The following CDC42BPB variants were observed in gnomAD, a reference collection of about 807,000 sequenced individuals.
The protein encoded by CDC42BPB is CDC42 binding protein kinase beta.
Under a neutral mutation model 214.9 loss-of-function variants are expected in CDC42BPB, and 37 were observed. That is an observed-to-expected ratio of 0.17 (90% confidence interval 0.13 to 0.23). The LOEUF (loss-of-function observed/expected upper bound fraction) is 0.23. Ranked by LOEUF, CDC42BPB falls within the 10% of genes least tolerant of loss-of-function variation. The pLI is 1.00. For missense variants in CDC42BPB, 1,694 were observed against 2,227.0 expected (o/e 0.76, Z 4.82); for synonymous variants, 931 against 884.0 (o/e 1.05, Z -0.94).
rs549118990 is a variant in CDC42BPB at position 102,974,425 on chromosome 14, G to A, written c.1508-276C>T. 191 of 920,226 alleles carry A rather than the reference G, an allele frequency of 2.1e-4. No individual in the cohort carries two copies. The Middle Eastern group carries it at 6.7e-3, about 32-fold the overall frequency. 57.0% of individuals were successfully genotyped at this position (920,226 alleles called of 1,614,324 possible). ...TGAGCACTGGGAGCCCTTGGGTGGC[G>A]CACACACTCGTCTGCTCAGTCCCTC... is the stretch of plus-strand genomic sequence containing the variant. On this transcript the variant is annotated intron_variant, in intron 11 of 36. Coordinates refer to ENST00000361246, the MANE Select transcript of CDC42BPB (RefSeq NM_006035.4).
intron 1 of CDC42BPB, among the ~76,000 whole-genome samples, chr14:103,027,434 C>T (rs1034845146): frequency 6.6e-6 from 1 of 152,224 alleles, no homozygotes; most frequent in Non-Finnish European, 1.5e-5. Flanking sequence ...ATATTCACAG[C>T]AGCATCATTC....
At chr14:102,939,791 G>C in intron 33 of CDC42BPB, 39 bp downstream of exon 33, 1 of 1,613,980 alleles carries the variant, frequency 6.2e-7, no homozygotes, top group Non-Finnish European at 8.5e-7. Flanking sequence ...CCCCTCCCTA[G>C]AGCGAGGCCC....
chr14:103,054,709 T>C (rs1177372443), intron 1 of CDC42BPB, among the ~76,000 whole-genome samples: 1 of 152,224 alleles, frequency 6.6e-6, no homozygotes, highest in African/African-American at 2.4e-5. Context: ...TTCTTCCCTA[T>C]AATTGAAAGT....
At chr14:103,035,569 G>A (rs542926462) in intron 1 of CDC42BPB, among the ~76,000 whole-genome samples, 11 of 152,142 alleles carry the variant, frequency 7.2e-5, no homozygotes, top group East Asian at 2.0e-4. Context: ...AGCCAGGTGC[G>A]GTGGCTCATG....
chr14:102,941,928 T>C (rs923072640), intron 30 of CDC42BPB, among the ~76,000 whole-genome samples: 3 of 152,310 alleles, frequency 2.0e-5, no homozygotes, highest in Middle Eastern at 6.8e-3. Flanking sequence ...CTGAAACTCA[T>C]CTGCATCTGC....
At position 102,974,027 on chromosome 14, in the gene CDC42BPB, C is replaced by A. The variant is rs751458409; in HGVS notation, c.1630G>T (p.Glu544Ter). The change falls in exon 12 of 37, where the codon GAG becomes TAG. Residue 544 changes from glutamate (E) to a stop codon, truncating the protein, a stop_gained. Transcript: ENST00000361246. LOFTEE classifies it high-confidence loss of function. Reference protein sequence around the residue: ...QHRVVRQEKEELHKQLVEASE... With the variant: ...QHRVVRQEKE ...ACTGAGCCACCTACCTTGTGCAGCTCCTCCTTCTCCTGCCGGACCACGCGG... is the reference window on the plus strand; with the variant it reads ...ACTGAGCCACCTACCTTGTGCAGCTACTCCTTCTCCTGCCGGACCACGCGG... 6.2e-7 allele frequency: 1 copy of A among 1,609,588 alleles called. No homozygotes were observed. The highest frequency in any genetic ancestry group is 8.5e-7 in the Non-Finnish European group (1 of 1,178,392).
chr14:102,941,565 C>G (rs926082741), intron 30 of CDC42BPB: 16 of 985,332 alleles, frequency 1.6e-5, no homozygotes, highest in African/African-American at 5.2e-5. Context: ...ACTCTCCACA[C>G]GGGCTTCTGG....
At chr14:102,996,020 C>T (rs909317417) in intron 5 of CDC42BPB, among the ~76,000 whole-genome samples, 3 of 152,174 alleles carry the variant, frequency 2.0e-5, no homozygotes, top group Admixed American at 6.5e-5. Flanking sequence ...TATGCCCGGA[C>T]GTCAAACGAC....
intron 30 of CDC42BPB, chr14:102,941,045 A>G (rs1891867997): frequency 5.5e-6 from 5 of 901,554 alleles, no homozygotes; most frequent in Non-Finnish European, 6.6e-6. Flanking sequence ...TTTGGAGTTT[A>G]AGGGGCTTTC....
chr14:103,056,683 G>GGTGGGA (rs1349951201), intron 1 of CDC42BPB, among the ~76,000 whole-genome samples: 2 of 151,674 alleles, frequency 1.3e-5, no homozygotes, highest in Non-Finnish European at 2.9e-5. Flanking sequence ...GGGGGGAGGG[G>GGTGGGA]GTGGGAGTGG....
At chr14:103,024,093 T>A (rs2139681456) in intron 1 of CDC42BPB, among the ~76,000 whole-genome samples, 1 of 152,236 alleles carries the variant, frequency 6.6e-6, no homozygotes, top group South Asian at 2.1e-4. Context: ...TAGTCCTAAA[T>A]ATATACAGAG....
At chr14:103,049,938 A>G (rs1010177496) in intron 1 of CDC42BPB, among the ~76,000 whole-genome samples, 4 of 152,084 alleles carry the variant, frequency 2.6e-5, no homozygotes, top group Admixed American at 2.6e-4. Flanking sequence ...GTCTTGAACT[A>G]CTGACCTTGT....
intron 36 of CDC42BPB, among the ~76,000 whole-genome samples, chr14:102,937,546 C>A (rs553401319): frequency 2.0e-5 from 3 of 152,236 alleles, no homozygotes; most frequent in African/African-American, 7.2e-5. Context: ...GCTAAGCCCT[C>A]AGCTCACTCC....
chr14:102,998,402 C>A (rs530638457), intron 5 of CDC42BPB, among the ~76,000 whole-genome samples: 2 of 152,334 alleles, frequency 1.3e-5, no homozygotes, highest in South Asian at 4.1e-4. Context: ...GGGGCCAGGG[C>A]TGGGCTTGGT....
At chr14:103,035,272 G>T (rs568220247) in intron 1 of CDC42BPB, among the ~76,000 whole-genome samples, 1 of 152,150 alleles carries the variant, frequency 6.6e-6, no homozygotes, top group African/African-American at 2.4e-5. Context: ...GGTCAGGCTG[G>T]TCTCAAACTC....
intron 1 of CDC42BPB, among the ~76,000 whole-genome samples, chr14:103,029,858 CAA>C (rs11299296): frequency 2.1e-3 from 130 of 62,334 alleles, no homozygotes; most frequent in Middle Eastern, 0.012. Context: ...ACTCCATCTC[CAA>C]AAAAAAAAAA....
chr14:102,970,606 G>A (rs1448291716), intron 13 of CDC42BPB, among the ~76,000 whole-genome samples: 3 of 152,084 alleles, frequency 2.0e-5, no homozygotes, highest in East Asian at 3.8e-4. Context: ...TTTCAAACAC[G>A]CACACGAAGA....
At chr14:102,954,801 C>G (rs887865113) in intron 21 of CDC42BPB, 113 bp from the exon 22 acceptor site, 1 of 1,474,052 alleles carries the variant, frequency 6.8e-7, no homozygotes, top group Non-Finnish European at 9.0e-7. Context: ...CCAGAAGTCC[C>G]AGCGGTTCTT....
At chr14:103,007,750 G>A (rs140221813) in intron 3 of CDC42BPB, among the ~76,000 whole-genome samples, 1 of 152,008 alleles carries the variant, frequency 6.6e-6, no homozygotes, top group Non-Finnish European at 1.5e-5. Flanking sequence ...AGAGGCGGGA[G>A]TCACGGGAGA....
Sources: gnomAD v4.1 joint callset for allele counts (sites outside exome capture counted in the v4.1 genomes callset) on GRCh38, gnomAD v4.1.1 for gene constraint, MANE v1.5 for transcripts, NCBI Gene and HGNC (gene_info 2026-07-23, HGNC 2026-07-21) for gene names.